KLHL29: variants seen among roughly 807,000 people sequenced by gnomAD.
The protein encoded by KLHL29 is kelch like family member 29.
A neutral mutation model predicts 80.4 loss-of-function variants in KLHL29; 21 were observed. That is an observed-to-expected ratio of 0.26 (90% CI 0.19 to 0.38). KLHL29 has a LOEUF of 0.38. Among genes scored for constraint, KLHL29 ranks in the 10% least tolerant of loss-of-function variants. The pLI, the probability that KLHL29 is intolerant of heterozygous loss-of-function variation, is 1.00. For synonymous variants in KLHL29, 511 were observed against 526.8 expected (o/e 0.97, Z 0.41); for missense variants, 867 against 1,223.9 (o/e 0.71, Z 4.35).
rs1263547955 is a variant in KLHL29 at position 23,465,104 on chromosome 2, CA to C, written c.-153-10455del. Among the ~76,000 whole-genome samples the C allele has an allele frequency of 1.5e-3, 226 of 152,328 alleles. 2 individuals carry two copies. Among genetic ancestry groups the C allele is most frequent in the Non-Finnish European group, 4.9e-4 (33 of 68,040 alleles). Reference sequence around the variant, plus strand: ...ATAGTAGATGATCCCATTACGAACACATTTGACACGGCCTCTACTGTGGGGA... The same window carrying C: ...ATAGTAGATGATCCCATTACGAACACTTTGACACGGCCTCTACTGTGGGGA... On this transcript the variant is annotated intron_variant, in intron 1 of 13. Transcript: ENST00000486442.
chr2:23,577,016 C>T (rs576514244), intron 3 of KLHL29, among the ~76,000 whole-genome samples: 2 of 152,344 alleles, frequency 1.3e-5, no homozygotes, highest in Admixed American at 1.3e-4. Flanking sequence ...GCTGTCCTGT[C>T]CTGAAGGACT....
chr2:23,504,567 C>G (rs1414128386), intron 2 of KLHL29, among the ~76,000 whole-genome samples: 1 of 152,168 alleles, frequency 6.6e-6, no homozygotes, highest in Admixed American at 6.5e-5. Flanking sequence ...AGGGAGGGGG[C>G]ACAGGGGGCA....
At chr2:23,475,796 C>T (rs1392202141) in intron 2 of KLHL29, 129 bp downstream of exon 2, 2 of 155,842 alleles carry the variant, frequency 1.3e-5, no homozygotes, top group Non-Finnish European at 2.9e-5. Context: ...CCCTCTTCCT[C>T]AGTGCGATTT....
intron 3 of KLHL29, among the ~76,000 whole-genome samples, chr2:23,611,312 C>A (rs1198281284): frequency 6.6e-6 from 1 of 152,184 alleles, no homozygotes; most frequent in Non-Finnish European, 1.5e-5. Context: ...CGCTTGACAG[C>A]AGGCTTGCAG....
intron 1 of KLHL29, among the ~76,000 whole-genome samples, chr2:23,430,193 C>T (rs544181371): frequency 4.6e-5 from 7 of 152,118 alleles, no homozygotes; most frequent in African/African-American, 7.2e-5. Context: ...CCAGAGTGTG[C>T]GATTCAGTGA....
Position 23,577,842 on chromosome 2 carries a change from C to T in KLHL29, c.285+15361C>T, listed in dbSNP as rs59076094. Among the ~76,000 whole-genome samples, 836 of 151,816 alleles carry T rather than the reference C, an allele frequency of 5.5e-3. 7 individuals are homozygous for T. The highest frequency in any genetic ancestry group is 0.019 in the African/African-American group (790 of 41,360). On this transcript the variant is annotated intron_variant, in intron 3 of 13. Transcript: ENST00000486442. The stretch of plus-strand genomic sequence containing the variant: ...TCAAAGCCCAGAACTTGGCTTGGAG[C>T]GGGGGTGGCTGCCTCCAAGGAAAAT...
chr2:23,691,610 C>A, intron 6 of KLHL29, 64 bp from the exon 7 acceptor site: 1 of 1,404,096 alleles, frequency 7.1e-7, no homozygotes, highest in Non-Finnish European at 9.8e-7. Flanking sequence ...AGATCTAGCC[C>A]TGTGAGGAAG....
At chr2:23,694,427 G>A (rs1474377277) in intron 8 of KLHL29, among the ~76,000 whole-genome samples, 1 of 152,076 alleles carries the variant, frequency 6.6e-6, no homozygotes, top group Non-Finnish European at 1.5e-5. Context: ...CCTTGCCTCT[G>A]TCTTGCTCCC....
Position 23,596,785 on chromosome 2 carries a change from G to C in KLHL29, c.285+34304G>C, listed in dbSNP as rs921328222. 2.6e-5 allele frequency among the ~76,000 whole-genome samples: 4 copies of C among 152,164 alleles called. No homozygotes were observed. The highest frequency in any genetic ancestry group is 4.4e-5 in the Non-Finnish European group (3 of 68,024). ...ATTATTTTCTTCATCTCAGAAACAG[G>C]TTCCCCCAGGAGGACATAAATAAAT... On this transcript the variant is annotated intron_variant, in intron 3 of 13. Coordinates refer to ENST00000486442, the MANE Select transcript of KLHL29 (RefSeq NM_052920.2). The surrounding 1 kb of genome is among the most constrained non-coding windows in gnomAD (Gnocchi z 4.4).
chr2:23,554,068 G>C (rs1667198353), intron 2 of KLHL29, among the ~76,000 whole-genome samples: 1 of 152,150 alleles, frequency 6.6e-6, no homozygotes, highest in African/African-American at 2.4e-5. Context: ...CATGGGGCTG[G>C]GGGTCACTGG....
At chr2:23,409,174 T>G (rs565954751) in intron 1 of KLHL29, among the ~76,000 whole-genome samples, 1 of 152,262 alleles carries the variant, frequency 6.6e-6, no homozygotes, top group South Asian at 2.1e-4. Flanking sequence ...CCTGAAGGAC[T>G]TTCCATTCGC....
chr2:23,490,715 T>C (rs1665072708), intron 2 of KLHL29, among the ~76,000 whole-genome samples: 1 of 152,208 alleles, frequency 6.6e-6, no homozygotes, highest in Non-Finnish European at 1.5e-5. Context: ...CTTGTAAAAG[T>C]GTTCAGAGTG....
At chr2:23,524,063 C>T (rs748936762) in intron 2 of KLHL29, 10 of 471,426 alleles carry the variant, frequency 2.1e-5, no homozygotes, top group South Asian at 1.5e-4. Flanking sequence ...TTCCGAAGGC[C>T]TTCCCCATCT....
intron 1 of KLHL29, among the ~76,000 whole-genome samples, chr2:23,439,246 C>T (rs1481584404): frequency 4.0e-5 from 6 of 151,890 alleles, no homozygotes; most frequent in African/African-American, 1.4e-4. Flanking sequence ...TTTTGTTGAT[C>T]GTTTCAAAAA....
intron 3 of KLHL29, among the ~76,000 whole-genome samples, chr2:23,580,288 C>T (rs936508333): frequency 2.4e-4 from 36 of 151,818 alleles, no homozygotes; most frequent in Non-Finnish European, 4.4e-4. Context: ...AGGAGAATGG[C>T]GTGAACCCAG....
At chr2:23,627,423 C>T (rs1669343244) in intron 3 of KLHL29, among the ~76,000 whole-genome samples, 1 of 152,222 alleles carries the variant, frequency 6.6e-6, no homozygotes, top group Admixed American at 6.5e-5. Context: ...CCTCGCTGAG[C>T]CTTCTGGAAC....
At chr2:23,496,020 C>T (rs979973566) in intron 2 of KLHL29, among the ~76,000 whole-genome samples, 3 of 152,252 alleles carry the variant, frequency 2.0e-5, no homozygotes, top group African/African-American at 7.2e-5. Context: ...GAGCTGCAGC[C>T]AGTCACCTAT....
chr2:23,428,845 C>G (rs1304041915), intron 1 of KLHL29, among the ~76,000 whole-genome samples: 1 of 152,176 alleles, frequency 6.6e-6, no homozygotes, highest in Non-Finnish European at 1.5e-5. Context: ...CCCGGTACTT[C>G]TTTAGTATTT....
At position 23,660,892 on chromosome 2, in the gene KLHL29, G is replaced by A. The variant is rs141115960; in HGVS notation, c.940+18042G>A. Among the ~76,000 whole-genome samples the A allele has an allele frequency of 7.4e-3, 1,123 of 152,224 alleles. 17 individuals carry two copies. Among genetic ancestry groups the A allele is most frequent in the African/African-American group, 0.026 (1,061 of 41,526 alleles). On this transcript the variant is annotated intron_variant, in intron 5 of 13. Transcript: ENST00000486442. ...AATACAAAAAAAAAGTCAGCCAGGCGTGGTGGCAGGCGCCTGTAATCCCAG... is the reference window on the plus strand; with the variant it reads ...AATACAAAAAAAAAGTCAGCCAGGCATGGTGGCAGGCGCCTGTAATCCCAG...
Sources: gnomAD v4.1 joint callset for allele counts (sites outside exome capture counted in the v4.1 genomes callset) on GRCh38, gnomAD v4.1.1 for gene constraint, Gnocchi (gnomAD v3.1) non-coding constraint, MANE v1.5 for transcripts, NCBI Gene and HGNC (gene_info 2026-07-23, HGNC 2026-07-21) for gene names.